ACAP2: variants seen among roughly 807,000 people sequenced by gnomAD.
The protein encoded by ACAP2 is arf-GAP with coiled-coil, ANK repeat and PH domain-containing protein 2.
A neutral mutation model predicts 115.8 loss-of-function variants in ACAP2; 39 were observed. The ratio of observed to expected loss-of-function variants is 0.34; its 90% CI spans 0.26 to 0.44. The LOEUF is 0.44. Among genes scored for constraint, ACAP2 ranks in the 20% least tolerant of loss-of-function variants. ACAP2 has a pLI of 1.00. For missense variants in ACAP2, 662 were observed against 927.6 expected, an observed-to-expected ratio of 0.71 and a Z score of 3.72; for synonymous variants, 289 against 315.8, an observed-to-expected ratio of 0.92 and a Z score of 0.90.
chr3:195,389,966 C>T (rs1322914665), intron 2 of ACAP2, among the ~76,000 whole-genome samples: 3 of 152,152 alleles, frequency 2.0e-5, no homozygotes, highest in African/African-American at 7.2e-5. Context: ...GAGGCCGAGG[C>T]GGGCGGATTG....
At chr3:195,419,206 C>T (rs1270640647) in intron 1 of ACAP2, among the ~76,000 whole-genome samples, 4 of 152,216 alleles carry the variant, frequency 2.6e-5, no homozygotes, top group Admixed American at 2.0e-4. Context: ...AAAAAGAAAT[C>T]CCATACCCAT....
chr3:195,425,026 C>CAAAAAAAAAAAAAAA (rs10690317), intron 1 of ACAP2, among the ~76,000 whole-genome samples: 5 of 26,654 alleles, frequency 1.9e-4, no homozygotes, highest in Non-Finnish European at 3.7e-4. Flanking sequence ...GACTCCGTCT[C>CAAAAAAAAAAAAAAA]AAAAAAAAAA....
chr3:195,287,981 A>T (rs1726957579), intron 21 of ACAP2, among the ~76,000 whole-genome samples: 1 of 152,024 alleles, frequency 6.6e-6, no homozygotes, highest in African/African-American at 2.4e-5. Flanking sequence ...CATGTGTGTA[A>T]TCCCAGCTAC....
chr3:195,398,842 G>A (rs1043078809), intron 1 of ACAP2, among the ~76,000 whole-genome samples: 12 of 151,996 alleles, frequency 7.9e-5, no homozygotes, highest in African/African-American at 2.9e-4. Flanking sequence ...TCCTGTAATA[G>A]GAAAGGGAGT....
intron 20 of ACAP2, 130 bp from the exon 21 acceptor site, chr3:195,289,361 A>T: frequency 1.5e-6 from 1 of 683,920 alleles, no homozygotes; most frequent in Non-Finnish European, 2.6e-6. Flanking sequence ...TACAAATATT[A>T]ACTGAACACT....
chr3:195,348,858 C>T (rs1368233657), intron 4 of ACAP2, among the ~76,000 whole-genome samples: 1 of 152,128 alleles, frequency 6.6e-6, no homozygotes, highest in Admixed American at 6.5e-5. Flanking sequence ...TATCTAACAT[C>T]CTGGCTAGTG....
intron 6 of ACAP2, among the ~76,000 whole-genome samples, chr3:195,341,321 GTT>G (rs377628235): frequency 1.7e-4 from 18 of 107,068 alleles, no homozygotes; most frequent in South Asian, 3.1e-4. Context: ...TATTGTGTGG[GTT>G]TTTTTTTTTT....
intron 2 of ACAP2, among the ~76,000 whole-genome samples, chr3:195,388,227 A>T (rs1734427319): frequency 6.6e-6 from 1 of 152,244 alleles, no homozygotes; most frequent in Non-Finnish European, 1.5e-5. Context: ...TACATGCAAG[A>T]AACAATGCAA....
chr3:195,333,920 G>C (rs941656143), intron 7 of ACAP2, among the ~76,000 whole-genome samples: 1 of 152,136 alleles, frequency 6.6e-6, no homozygotes, highest in Non-Finnish European at 1.5e-5. Flanking sequence ...AATAAAATGA[G>C]TCAACCGAAT....
chr3:195,410,843 T>C (rs929868300), intron 1 of ACAP2: 1 of 175,280 alleles, frequency 5.7e-6, no homozygotes, highest in African/African-American at 2.4e-5. Context: ...GGATTAGTGC[T>C]CTTATAAAAG....
chr3:195,431,152 T>G (rs1180339588), intron 1 of ACAP2, among the ~76,000 whole-genome samples: 1 of 152,208 alleles, frequency 6.6e-6, no homozygotes, highest in Non-Finnish European at 1.5e-5. Context: ...GGCTTTTGTG[T>G]TTGGCTTATT....
intron 10 of ACAP2, among the ~76,000 whole-genome samples, chr3:195,315,403 A>T (rs1446890763): frequency 6.6e-6 from 1 of 152,250 alleles, no homozygotes; most frequent in African/African-American, 2.4e-5. Context: ...AAATGATATT[A>T]ATTTGCTATC....
At chr3:195,345,347 T>C (rs1291702451) in intron 4 of ACAP2, 30 bp from the exon 5 acceptor site, 3 of 1,393,942 alleles carry the variant, frequency 2.2e-6, no homozygotes, top group South Asian at 2.4e-5. Context: ...ATTAAGTGAT[T>C]AGAAAAGTAA....
intron 4 of ACAP2, among the ~76,000 whole-genome samples, chr3:195,360,770 C>A (rs1215614228): frequency 6.6e-6 from 1 of 150,638 alleles, no homozygotes; most frequent in Non-Finnish European, 1.5e-5. Flanking sequence ...CTCACTCCAG[C>A]TTGGGCGACA....
chr3:195,322,601 G>A (rs748991830), intron 9 of ACAP2, among the ~76,000 whole-genome samples: 2 of 150,134 alleles, frequency 1.3e-5, no homozygotes, highest in Non-Finnish European at 3.0e-5. Flanking sequence ...TTCTTTGGGG[G>A]AAAAAAAAAT....
At chr3:195,319,805 T>C (rs1379626568) in intron 10 of ACAP2, among the ~76,000 whole-genome samples, 1 of 152,188 alleles carries the variant, frequency 6.6e-6, no homozygotes, top group African/African-American at 2.4e-5. Context: ...TGGAATGAGA[T>C]AAGACTTTGG....
chr3:195,311,228 C>A (rs1478024222), intron 10 of ACAP2, among the ~76,000 whole-genome samples: 1 of 151,542 alleles, frequency 6.6e-6, no homozygotes, highest in African/African-American at 2.4e-5. Context: ...TCCCAAGTGG[C>A]TGGGGTTACA....
chr3:195,323,336 G>C (rs930826748), intron 9 of ACAP2, among the ~76,000 whole-genome samples: 2 of 152,048 alleles, frequency 1.3e-5, no homozygotes, highest in Admixed American at 1.3e-4. Context: ...ATAATTGAGA[G>C]ATAAATCAAT....
At chr3:195,287,406 T>C (rs892699210) in intron 21 of ACAP2, among the ~76,000 whole-genome samples, 2 of 78,654 alleles carry the variant, frequency 2.5e-5, no homozygotes, top group Non-Finnish European at 5.0e-5. Flanking sequence ...CGTAAATAAT[T>C]TTTTTTTTTT....
Sources: allele counts gnomAD v4.1 joint callset (sites outside exome capture counted in the v4.1 genomes callset), GRCh38; gene constraint gnomAD v4.1.1; transcripts MANE v1.5; gene names NCBI Gene and HGNC (gene_info 2026-07-23, HGNC 2026-07-21).